GRHL1: variants seen among roughly 807,000 people sequenced by gnomAD.
The protein encoded by GRHL1 is grainyhead like transcription factor 1, also known as grainyhead-like protein 1 homolog.
In GRHL1, 38 loss-of-function variants were observed where a neutral mutation model predicts 75.7. That is an observed-to-expected ratio of 0.50 (90% CI 0.39 to 0.66). The LOEUF (loss-of-function observed/expected upper bound fraction) is 0.66, where lower values mean the gene tolerates loss of function less well. Ranked by LOEUF, GRHL1 falls within the 30% of genes least tolerant of loss-of-function variation. GRHL1 has a pLI of 0.00. For missense variants in GRHL1, 589 were observed against 767.5 expected, an observed-to-expected ratio of 0.77 and a Z score of 2.75; for synonymous variants, 266 against 279.4, an observed-to-expected ratio of 0.95 and a Z score of 0.48.
At chr2:9,973,535 G>T (rs1185877214) in intron 8 of GRHL1, among the ~76,000 whole-genome samples, 1 of 152,172 alleles carries the variant, frequency 6.6e-6, no homozygotes, top group African/African-American at 2.4e-5. Context: ...GACTTCAGTT[G>T]AATTCTATAA....
chr2:9,966,834 G>T (rs947335701), intron 8 of GRHL1, among the ~76,000 whole-genome samples: 3 of 152,170 alleles, frequency 2.0e-5, no homozygotes, highest in African/African-American at 7.2e-5. Context: ...AGCTTTAGGT[G>T]ATTGTGGCTT....
chr2:9,962,285 C>T (rs1411251222), intron 4 of GRHL1, among the ~76,000 whole-genome samples, 170 bp from the exon 5 acceptor site: 1 of 152,160 alleles, frequency 6.6e-6, no homozygotes, highest in Non-Finnish European at 1.5e-5. Flanking sequence ...GATATTTTCT[C>T]TGTTTTAATT....
intron 9 of GRHL1, among the ~76,000 whole-genome samples, chr2:9,986,677 C>T (rs112643879): frequency 0.17 from 25,854 of 152,012 alleles, 2,257 homozygotes; most frequent in Non-Finnish European, 0.19. Context: ...CTCAGCCTCC[C>T]ACAGTGCTAG....
chr2:9,956,571 TCTAA>T (rs888578991), intron 2 of GRHL1, among the ~76,000 whole-genome samples: 3 of 152,200 alleles, frequency 2.0e-5, no homozygotes, highest in East Asian at 3.9e-4. Flanking sequence ...AGGCCATGCG[TCTAA>T]CTAAGTTGGG....
At position 9,965,325 on chromosome 2, in the gene GRHL1, G is replaced by C; in HGVS notation, c.1054G>C (p.Glu352Gln). The part of the protein sequence containing the change: ...KESFNTISNI[E>Q]EIAYNAISFT... ...AAGCTTCAACACTATCAGTAACATC[G>C]AGGAGATTGCGTATAACGCCATTTC... The change falls in exon 8 of 16, where the codon GAG becomes CAG. Residue 352 changes from glutamate (E) to glutamine (Q), a missense_variant. By Grantham distance (29) the Glu-to-Gln change is conservative. Transcript: ENST00000324907. 1 of 1,611,956 alleles carries C rather than the reference G, an allele frequency of 6.2e-7. No individual in the cohort carries two copies. Among genetic ancestry groups the C allele is most frequent in the African/African-American group, 1.3e-5 (1 of 74,992 alleles).
At chr2:9,957,413 A>ATT (rs56139145) in intron 2 of GRHL1, among the ~76,000 whole-genome samples, 8,012 of 143,418 alleles carry the variant, frequency 0.056, 296 homozygotes, top group Middle Eastern at 0.086. Flanking sequence ...ATGAAGCAGT[A>ATT]TTTTTTTTTT....
chr2:9,985,417 A>G (rs1668372939), intron 8 of GRHL1, among the ~76,000 whole-genome samples: 1 of 152,230 alleles, frequency 6.6e-6, no homozygotes, highest in Non-Finnish European at 1.5e-5. Flanking sequence ...CTGGGCATGT[A>G]AAGAATCCAG....
chr2:9,951,934 AC>A lies in GRHL1; in HGVS notation c.20+84del. 1.1e-6 allele frequency: 1 copy of A among 936,280 alleles called. No homozygotes were observed. The highest frequency in any genetic ancestry group is 1.3e-6 in the Non-Finnish European group (1 of 759,048). The allele number at this position is 936,280 out of a possible 1,614,324, so 58.0% of individuals were successfully genotyped here. A position where few individuals can be genotyped will look rare whatever the true frequency, so the allele number is the denominator to read the frequency against. On this transcript the variant is annotated intron_variant, in intron 1 of 15. Transcript: ENST00000324907. The surrounding 1 kb of genome is among the most constrained non-coding windows in gnomAD (Gnocchi z 4.2). The stretch of plus-strand genomic sequence containing the variant: ...CCTGCAGCGAGCGAGCCGGGCGCAG[AC>A]CCGAGGCCGCGCGGGCGGGCGGGCG...
rs893630741 is a variant in GRHL1, at chr2:10,001,749, A to G, written c.*1042A>G. On this transcript the variant is annotated 3_prime_UTR_variant, in exon 16 of 16. Transcript: ENST00000324907. ...CTTTTGTTATGCTAGTATCAGTCAG[A>G]TGCACTTAGAGTGAAGAAACACTGT... 1 of 152,276 alleles carries G rather than the reference A, an allele frequency of 6.6e-6. No individual in the cohort carries two copies. Among genetic ancestry groups the G allele is most frequent in the African/African-American group, 2.4e-5 (1 of 41,466 alleles). 9.4% of individuals were successfully genotyped at this position (152,276 alleles called of 1,614,324 possible). A position where few individuals can be genotyped will look rare whatever the true frequency, so the allele number is the denominator to read the frequency against.
At chr2:9,975,097 C>T in intron 8 of GRHL1, among the ~76,000 whole-genome samples, 1 of 152,216 alleles carries the variant, frequency 6.6e-6, no homozygotes, top group East Asian at 1.9e-4. Flanking sequence ...GCTGGAACAG[C>T]TTAGTCCGAG....
chr2:9,979,001 A>G (rs116767293), intron 8 of GRHL1, among the ~76,000 whole-genome samples: 2,820 of 151,356 alleles, frequency 0.019, 74 homozygotes, highest in African/African-American at 0.064. Flanking sequence ...CAAAAAACAA[A>G]ATTCAAAAAT....
intron 15 of GRHL1, among the ~76,000 whole-genome samples, 185 bp downstream of exon 15, chr2:9,999,214 A>T (rs1175022986): frequency 1.3e-5 from 2 of 152,182 alleles, no homozygotes; most frequent in Non-Finnish European, 2.9e-5. Context: ...CATCGTGCCC[A>T]GTCCAGAAGC....
At chr2:9,986,084 T>C (rs1450406151) in intron 8 of GRHL1, 40 bp from the exon 9 acceptor site, 2 of 1,525,668 alleles carry the variant, frequency 1.3e-6, no homozygotes, top group African/African-American at 1.4e-5. Flanking sequence ...AGGTTTGACT[T>C]GGTGCCTGTT....
chr2:9,961,322 T>G lies in GRHL1; in HGVS notation c.555T>G (p.Val185=). ...CTGAGCCCACTGAGCGGGTGGTGGT[T>G]TTCGATCGGAATCTCAATACTGACC... ...YHPEPTERVV[V]FDRNLNTDQF... The change falls in exon 4 of 16, where the codon GTT becomes GTG. Residue 185 remains valine (V), a synonymous_variant. Coordinates refer to ENST00000324907, the MANE Select transcript of GRHL1 (RefSeq NM_198182.3). 6.2e-7 allele frequency: 1 copy of G among 1,614,152 alleles called. No homozygotes were observed. Among genetic ancestry groups the G allele is most frequent in the South Asian group, 1.1e-5 (1 of 91,074 alleles).
rs1361619189 is a variant in GRHL1, at chr2:10,002,065, G to T, written c.*1358G>T. ...CAGGGAACTAGACTAGGTCATTCGT[G>T]TAAATGGACTGGTAGTTACAGTCTT... On this transcript the variant is annotated 3_prime_UTR_variant, in exon 16 of 16. Transcript: ENST00000324907. 1 of 152,650 alleles carries T rather than the reference G, an allele frequency of 6.6e-6. No individual in the cohort carries two copies. The highest frequency in any genetic ancestry group is 1.5e-5 in the Non-Finnish European group (1 of 68,028). The allele number at this position is 152,650 out of a possible 1,614,324, so 9.5% of individuals were successfully genotyped here. A position where few individuals can be genotyped will look rare whatever the true frequency, so the allele number is the denominator to read the frequency against.
At chr2:9,963,311 T>A (rs1667351619) in intron 5 of GRHL1, among the ~76,000 whole-genome samples, 1 of 152,214 alleles carries the variant, frequency 6.6e-6, no homozygotes, top group African/African-American at 2.4e-5. Context: ...ATAGGTAATG[T>A]GTAAACAAAT....
In GRHL1 at chr2:9,951,847, A is replaced by ACGACAAGTGAGTGAGGCGCAGGAGTC; in HGVS notation, c.17_20+22dup. On this transcript the variant is annotated stop_gained and frameshift_variant, in exon 1 of 16. Coordinates refer to ENST00000324907, the MANE Select transcript of GRHL1 (RefSeq NM_198182.3). LOFTEE classifies it high-confidence loss of function. This position sits in a 1 kb window ranked among gnomAD's most constrained non-coding sequence, Gnocchi z 4.2. ...CGAGCGGGCGCGATGACACAGGAGTACGACAAGTGAGTGAGGCGCAGGAGT... is the reference window on the plus strand; with the variant it reads ...CGAGCGGGCGCGATGACACAGGAGTACGACAAGTGAGTGAGGCGCAGGAGTCCGACAAGTGAGTGAGGCGCAGGAGT... 6.6e-7 allele frequency: 1 copy of ACGACAAGTGAGTGAGGCGCAGGAGTC among 1,507,708 alleles called. No homozygotes were observed. The highest frequency in any genetic ancestry group is 8.9e-7 in the Non-Finnish European group (1 of 1,124,236). 93.4% of individuals were successfully genotyped at this position (1,507,708 alleles called of 1,614,324 possible).
chr2:9,983,085 G>A (rs74607169), intron 8 of GRHL1, among the ~76,000 whole-genome samples: 3,996 of 152,200 alleles, frequency 0.026, 174 homozygotes, highest in African/African-American at 0.091. Flanking sequence ...GGTTAAACCC[G>A]GCACGTATGT....
At chr2:9,998,423 C>CGTGTGTGTGTGTGTGTGT (rs1553306759) in intron 14 of GRHL1, among the ~76,000 whole-genome samples, 18 of 33,858 alleles carry the variant, frequency 5.3e-4, no homozygotes, top group African/African-American at 7.0e-4. Context: ...AGTGACTATG[C>CGTGTGTGTGTGTGTGTGT]ATGTGTGTGT....
Sources: gnomAD v4.1 joint callset for allele counts (sites outside exome capture counted in the v4.1 genomes callset) on GRCh38, gnomAD v4.1.1 for gene constraint, Gnocchi (gnomAD v3.1) non-coding constraint, MANE v1.5 for transcripts, NCBI Gene and HGNC (gene_info 2026-07-23, HGNC 2026-07-21) for gene names.